The following KCNJ6 variants were observed in gnomAD, a reference collection of about 807,000 sequenced individuals.
The protein encoded by KCNJ6 is G protein-activated inward rectifier potassium channel 2.
A neutral mutation model predicts 34.2 loss-of-function variants in KCNJ6; 9 were observed. That is an observed-to-expected ratio of 0.26 (90% CI 0.16 to 0.46). KCNJ6 has a LOEUF of 0.46. Among genes scored for constraint, KCNJ6 ranks in the 20% least tolerant of loss-of-function variants. KCNJ6 has a pLI of 1.00. For missense variants in KCNJ6, 236 were observed against 531.3 expected, an observed-to-expected ratio of 0.44 and a Z score of 5.46; for synonymous variants, 196 against 207.1, an observed-to-expected ratio of 0.95 and a Z score of 0.46.
At chr21:37,850,245 A>T (rs972710052) in intron 1 of KCNJ6, among the ~76,000 whole-genome samples, 1 of 152,026 alleles carries the variant, frequency 6.6e-6, no homozygotes, top group Admixed American at 6.5e-5. Context: ...GCAGGATGGC[A>T]GGCCCCAAGG....
chr21:37,670,030 G>A (rs936431179), intron 3 of KCNJ6, among the ~76,000 whole-genome samples: 2 of 152,114 alleles, frequency 1.3e-5, no homozygotes, highest in African/African-American at 4.8e-5. Context: ...TGCATTTTGA[G>A]TTTATTTTTG....
intron 2 of KCNJ6, among the ~76,000 whole-genome samples, chr21:37,788,882 T>A (rs1454296346): frequency 6.6e-6 from 1 of 152,214 alleles, no homozygotes; most frequent in Non-Finnish European, 1.5e-5. Flanking sequence ...TGGTTTGTTA[T>A]GCAGCAAAAG....
At chr21:37,818,249 C>G (rs1334942075) in intron 2 of KCNJ6, among the ~76,000 whole-genome samples, 1 of 130,678 alleles carries the variant, frequency 7.7e-6, no homozygotes, top group Non-Finnish European at 1.7e-5. Context: ...TGTGTGTACT[C>G]TGAATGCTGG....
chr21:37,776,125 A>G (rs2055140975), intron 2 of KCNJ6, among the ~76,000 whole-genome samples: 1 of 152,172 alleles, frequency 6.6e-6, no homozygotes, highest in South Asian at 2.1e-4. Flanking sequence ...TGTGAATGGG[A>G]GTTCACTCAT....
chr21:37,895,791 C>T lies in KCNJ6; in HGVS notation c.-28+20093G>A, dbSNP rs117739139. Among the ~76,000 whole-genome samples, 1,229 of 152,252 alleles carry T rather than the reference C, an allele frequency of 8.1e-3. 13 individuals are homozygous for T. Among genetic ancestry groups the T allele is most frequent in the South Asian group, 0.032 (152 of 4,820 alleles). ...CTGCCCTGACAGTGGTGCCCCATTC[C>T]CCATTTTTAAAAGTTGGAAATCTGA... On this transcript the variant is annotated intron_variant, in intron 1 of 3. Coordinates refer to ENST00000609713, the MANE Select transcript of KCNJ6 (RefSeq NM_002240.5).
chr21:37,873,229 A>G (rs1013485207), intron 1 of KCNJ6, among the ~76,000 whole-genome samples: 3 of 152,312 alleles, frequency 2.0e-5, no homozygotes, highest in Admixed American at 1.3e-4. Flanking sequence ...TCTTATTAAT[A>G]TCATAACACT....
chr21:37,769,198 G>A (rs573599166), intron 2 of KCNJ6, among the ~76,000 whole-genome samples: 96 of 152,220 alleles, frequency 6.3e-4, no homozygotes, highest in African/African-American at 2.2e-3. Flanking sequence ...TCCCCTAAGA[G>A]CTTACGTGAT....
rs2054240033 is a variant in KCNJ6 at position 37,610,724 on chromosome 21, A to C, written c.*14435T>G. The C allele has an allele frequency of 6.6e-6, 1 of 152,154 alleles. No individual in the cohort carries two copies. Among genetic ancestry groups the C allele is most frequent in the Non-Finnish European group, 1.5e-5 (1 of 68,024 alleles). The allele number at this position is 152,154 out of a possible 1,614,324, so 9.4% of individuals were successfully genotyped here. A position where few individuals can be genotyped will look rare whatever the true frequency, so the allele number is the denominator to read the frequency against. ...AAATGCCAAAATACTTGGAGATTAA[A>C]CAACACACGTGTAAATATCATGGGT... On this transcript the variant is annotated 3_prime_UTR_variant, in exon 4 of 4. Transcript: ENST00000609713.
intron 1 of KCNJ6, among the ~76,000 whole-genome samples, chr21:37,859,039 C>G (rs759545916): frequency 6.6e-6 from 1 of 152,078 alleles, no homozygotes; most frequent in African/African-American, 2.4e-5. Context: ...CTCATTCTAC[C>G]GAATTTACAA....
At chr21:37,804,669 G>C (rs185246250) in intron 2 of KCNJ6, among the ~76,000 whole-genome samples, 209 of 152,210 alleles carry the variant, frequency 1.4e-3, no homozygotes, top group Non-Finnish European at 2.5e-3. Flanking sequence ...GAGAACATGC[G>C]GTATTTGGTT....
At chr21:37,772,291 T>C (rs563083468) in intron 2 of KCNJ6, among the ~76,000 whole-genome samples, 56 of 152,336 alleles carry the variant, frequency 3.7e-4, no homozygotes, top group African/African-American at 1.3e-3. Context: ...CACATATTAT[T>C]ATGTTTATAC....
intron 1 of KCNJ6, among the ~76,000 whole-genome samples, chr21:37,905,380 T>C (rs2055836443): frequency 6.6e-6 from 1 of 152,224 alleles, no homozygotes; most frequent in Non-Finnish European, 1.5e-5. Flanking sequence ...ACCATGCCGA[T>C]GCGTGGCGCT....
intron 3 of KCNJ6, among the ~76,000 whole-genome samples, chr21:37,690,630 G>C (rs960236290): frequency 0.012 from 1 of 86 alleles, no homozygotes; most frequent in Admixed American, 0.12. Context: ...ACCTGGCTCA[G>C]TGAATATCTA....
At chr21:37,747,238 C>T (rs2054971985) in intron 2 of KCNJ6, among the ~76,000 whole-genome samples, 1 of 148,950 alleles carries the variant, frequency 6.7e-6, no homozygotes, top group African/African-American at 2.4e-5. Context: ...TTTCTTTGCC[C>T]CCTTTGGAGA....
In KCNJ6 at chr21:37,609,083, C is replaced by T. The variant is rs2054233894; in HGVS notation, c.*16076G>A. ...TAGGATGTGAGCATTTGATAAAGAACTCAAGTTCCTGAAAAAATTTCTGGA... is the reference window on the plus strand; with the variant it reads ...TAGGATGTGAGCATTTGATAAAGAATTCAAGTTCCTGAAAAAATTTCTGGA... On this transcript the variant is annotated 3_prime_UTR_variant, in exon 4 of 4. Coordinates refer to ENST00000609713, the MANE Select transcript of KCNJ6 (RefSeq NM_002240.5). 1 of 152,202 alleles carries T rather than the reference C, an allele frequency of 6.6e-6. No individual in the cohort carries two copies. 9.4% of individuals were successfully genotyped at this position (152,202 alleles called of 1,614,324 possible).
At chr21:37,881,029 T>C (rs1270176436) in intron 1 of KCNJ6, among the ~76,000 whole-genome samples, 2 of 152,112 alleles carry the variant, frequency 1.3e-5, no homozygotes, top group East Asian at 3.9e-4. Context: ...GCAACTCAAG[T>C]CAAGACTGCC....
Position 37,751,882 on chromosome 21 carries a change from A to G in KCNJ6, c.26-36751T>C, listed in dbSNP as rs1017581527. On this transcript the variant is annotated intron_variant, in intron 2 of 3. Coordinates refer to ENST00000609713, the MANE Select transcript of KCNJ6 (RefSeq NM_002240.5). ...GCCCTAGTACGATGCCTGACATATG[A>G]TAATTCCTCAATGCATTCTTGATAA... 5.3e-5 allele frequency among the ~76,000 whole-genome samples: 8 copies of G among 152,216 alleles called. No homozygotes were observed. The South Asian group carries it at 1.7e-3, about 32-fold the overall frequency.
At chr21:37,677,713 AATCC>A (rs149570848) in intron 3 of KCNJ6, among the ~76,000 whole-genome samples, 12,628 of 123,950 alleles carry the variant, frequency 0.1, 1,404 homozygotes, top group African/African-American at 0.29. Context: ...CCATTCATTC[AATCC>A]ATCCATCCAT....
intron 2 of KCNJ6, among the ~76,000 whole-genome samples, chr21:37,770,316 G>A (rs1270917691): frequency 6.6e-6 from 1 of 151,852 alleles, no homozygotes; most frequent in East Asian, 1.9e-4. Context: ...GAGGGGCAGA[G>A]TGTGACCTGT....
Sources: gnomAD v4.1 joint callset for allele counts (sites outside exome capture counted in the v4.1 genomes callset) on GRCh38, gnomAD v4.1.1 for gene constraint, MANE v1.5 for transcripts, NCBI Gene and HGNC (gene_info 2026-07-23, HGNC 2026-07-21) for gene names.